DNAH2: variants seen among roughly 807,000 people sequenced by gnomAD.
DNAH2 encodes the protein dynein axonemal heavy chain 2.
DNAH2 carries 323 observed loss-of-function variants against 523.5 expected under a neutral mutation model. That is an observed-to-expected ratio of 0.62 (90% CI 0.56 to 0.68). DNAH2 has a LOEUF of 0.68. Among genes scored for constraint, DNAH2 ranks in the 30% least tolerant of loss-of-function variants. The probability of loss-of-function intolerance (pLI) is 0.00; values close to 1 mark genes in which losing one functional copy is unlikely to be tolerated. For missense variants in DNAH2, 4,907 were observed against 5,701.5 expected (o/e 0.86, Z 4.49); for synonymous variants, 2,093 against 2,177.4 (o/e 0.96, Z 1.08).
intron 23 of DNAH2, 50 bp downstream of exon 23, chr17:7,768,111 G>A (rs1194064576): frequency 3.7e-6 from 6 of 1,614,088 alleles, no homozygotes; most frequent in African/African-American, 1.3e-5. Context: ...GAGGATCTGG[G>A]TCTGTTCCCA....
chr17:7,787,766 G>C, intron 42 of DNAH2, 94 bp from the exon 43 acceptor site: 1 of 748,580 alleles, frequency 1.3e-6, no homozygotes, highest in Non-Finnish European at 2.1e-6. Flanking sequence ...CAAATCGTTT[G>C]TGAACTTGTA....
At chr17:7,788,277 A>G in intron 44 of DNAH2, 33 bp downstream of exon 44, 1 of 1,533,108 alleles carries the variant, frequency 6.5e-7, no homozygotes, top group Non-Finnish European at 8.8e-7. Context: ...GGGCAGGGGC[A>G]GGGGGTGCTC....
At chr17:7,728,783 G>A (rs976421613) in intron 4 of DNAH2, among the ~76,000 whole-genome samples, 4 of 152,090 alleles carry the variant, frequency 2.6e-5, no homozygotes, top group Non-Finnish European at 5.9e-5. Flanking sequence ...CTAGGAGTTC[G>A]AGACCAGCCT....
rs755085590 is a variant in DNAH2, at chr17:7,831,131, C to T, written c.12276C>T (p.Leu4092=). The T allele has an allele frequency of 1.9e-5, 31 of 1,613,956 alleles. No individual in the cohort carries two copies. The highest frequency in any genetic ancestry group is 5.3e-5 in the African/African-American group (4 of 74,918). The change falls in exon 80 of 86, where the codon CTC becomes CTT. Residue 4092 remains leucine, a synonymous_variant. Transcript: ENST00000572933. This position sits in a 1 kb window ranked among gnomAD's most constrained non-coding sequence, Gnocchi z 4.2. ...ETYFIPKDGS[L]ASYKEYISLL... Reference sequence around the variant, plus strand: ...ATTTCATCCCCAAGGATGGCAGCCTCGCTTCTTACAAGGAATACATCAGCT... The same window carrying T: ...ATTTCATCCCCAAGGATGGCAGCCTTGCTTCTTACAAGGAATACATCAGCT...
At position 7,740,840 on chromosome 17, in the gene DNAH2, G is replaced by C. The variant is rs2075292598; in HGVS notation, c.1537G>C (p.Val513Leu). The C allele has an allele frequency of 6.2e-7, 1 of 1,610,938 alleles. No individual in the cohort carries two copies. The highest frequency in any genetic ancestry group is 8.5e-7 in the Non-Finnish European group (1 of 1,177,386). ...CAAGCGGACTTATGACAAGAAGGCG[G>C]TGGATCTCTACATGCTGTTCAATAG... ...AIKRTYDKKA[V>L]DLYMLFNSEL... The change falls in exon 11 of 86, where the codon GTG becomes CTG. Residue 513 changes from valine (V) to leucine (L), a missense_variant. This residue lies in a region of DNAH2 where 2,806 missense variants were observed against 3,190.8 expected (regional missense o/e 0.88). Transcript: ENST00000572933.
intron 63 of DNAH2, among the ~76,000 whole-genome samples, chr17:7,809,130 A>C (rs2077443548): frequency 1.3e-5 from 2 of 152,136 alleles, no homozygotes; most frequent in South Asian, 4.1e-4. Flanking sequence ...ATAGAAATTT[A>C]AAATATTTAT....
chr17:7,746,832 C>T (rs1028511535), intron 12 of DNAH2, among the ~76,000 whole-genome samples: 1 of 151,762 alleles, frequency 6.6e-6, no homozygotes, highest in African/African-American at 2.4e-5. Context: ...ACTAAAAATA[C>T]AAAAATTAGC....
chr17:7,719,998 C>T (rs906351586), intron 2 of DNAH2, 98 bp downstream of exon 2: 3 of 1,383,560 alleles, frequency 2.2e-6, no homozygotes, highest in Non-Finnish European at 2.8e-6. Context: ...GGCGCTGTTG[C>T]TTCTGGGCAG....
At position 7,807,362 on chromosome 17, in the gene DNAH2, C is replaced by G. The variant is rs763446253; in HGVS notation, c.9612+43C>G. On this transcript the variant is annotated intron_variant, in intron 62 of 85. Coordinates refer to ENST00000572933, the MANE Select transcript of DNAH2 (RefSeq NM_020877.5). This position sits in a 1 kb window ranked among gnomAD's most constrained non-coding sequence, Gnocchi z 5.6. ...GGGGCGGGGCGGTAGGGAGGGCAGG[C>G]CTGGGGGAGTGCGGATGCACAGACC... The G allele has an allele frequency of 1.9e-6, 3 of 1,604,134 alleles. No homozygotes were observed. The highest frequency in any genetic ancestry group is 1.1e-5 in the South Asian group (1 of 90,460).
intron 8 of DNAH2, chr17:7,739,051 C>G: frequency 2.9e-6 from 2 of 698,930 alleles, no homozygotes; most frequent in Non-Finnish European, 5.2e-6. Context: ...AACAGCAGAC[C>G]CTCCAGAATC....
chr17:7,734,135 C>G, intron 5 of DNAH2, 48 bp from the exon 6 acceptor site: 1 of 1,513,018 alleles, frequency 6.6e-7, no homozygotes, highest in Non-Finnish European at 9.0e-7. Context: ...ACGGGGCCAG[C>G]AAGAACTCAT....
chr17:7,783,730 G>A (rs1348059460), intron 39 of DNAH2, among the ~76,000 whole-genome samples: 4 of 151,642 alleles, frequency 2.6e-5, no homozygotes, highest in South Asian at 2.1e-4. Flanking sequence ...CCCAGGAGGT[G>A]GAGATTGCAG....
intron 66 of DNAH2, 31 bp downstream of exon 66, chr17:7,817,740 C>G (rs200613804): frequency 6.2e-7 from 1 of 1,614,050 alleles, no homozygotes; most frequent in South Asian, 1.1e-5. Flanking sequence ...GGGGGCGGTA[C>G]GGGAGCATGG....
intron 31 of DNAH2, 90 bp downstream of exon 31, chr17:7,776,239 G>T: frequency 6.8e-7 from 1 of 1,460,614 alleles, no homozygotes; most frequent in Non-Finnish European, 9.2e-7. Context: ...GCCGAGGTGG[G>T]CAGATCACTT....
At chr17:7,817,761 C>T (rs2077718107) in intron 66 of DNAH2, 29 bp from the exon 67 acceptor site, 2 of 1,614,128 alleles carry the variant, frequency 1.2e-6, no homozygotes, top group Non-Finnish European at 1.7e-6. Context: ...GAGAGAGGGC[C>T]TCACCTCTGA....
At chr17:7,794,410 T>G in intron 49 of DNAH2, 52 bp downstream of exon 49, 1 of 1,518,312 alleles carries the variant, frequency 6.6e-7, no homozygotes, top group South Asian at 1.2e-5. Flanking sequence ...AGGTGAAACG[T>G]GTCTGTCTCA....
At chr17:7,787,322 G>T in intron 42 of DNAH2, 3 of 497,940 alleles carry the variant, frequency 6.0e-6, no homozygotes. Context: ...ACCCTCGTTT[G>T]TGCACCCAGA....
chr17:7,786,556 G>A lies in DNAH2; in HGVS notation c.6349-14G>A, dbSNP rs1402435396. ...TCCATCAGCAGCTAAAACCCCTTCCGGTGTCATTTTCAGGAGTTCCCTTTG... is the reference window on the plus strand; with the variant it reads ...TCCATCAGCAGCTAAAACCCCTTCCAGTGTCATTTTCAGGAGTTCCCTTTG... On this transcript the variant is annotated splice_polypyrimidine_tract_variant and intron_variant, in intron 40 of 85. Coordinates refer to ENST00000572933, the MANE Select transcript of DNAH2 (RefSeq NM_020877.5). The surrounding 1 kb of genome is among the most constrained non-coding windows in gnomAD (Gnocchi z 7.5). The A allele has an allele frequency of 3.7e-6, 6 of 1,609,762 alleles. No individual in the cohort carries two copies. Among genetic ancestry groups the A allele is most frequent in the South Asian group, 1.1e-5 (1 of 90,962 alleles).
At position 7,758,994 on chromosome 17, in the gene DNAH2, G is replaced by C; in HGVS notation, c.2318G>C (p.Arg773Thr). The C allele has an allele frequency of 6.2e-7, 1 of 1,614,194 alleles. No individual in the cohort carries two copies. The highest frequency in any genetic ancestry group is 8.5e-7 in the Non-Finnish European group (1 of 1,180,044). ...CGCATTAGTGGCAAACGGGTATACA[G>C]GGACCTGGAATTTGAAGAGGACCAA... is the stretch of plus-strand genomic sequence containing the variant. ...LVRISGKRVY[R>T]DLEFEEDQRE... Residue 773 changes from arginine to threonine, a missense_variant, in exon 15 of 86, where the codon AGG becomes ACG. Around this residue, in one of 3 missense-constraint regions of DNAH2, gnomAD observed 2,806 missense variants for 3,190.8 expected, o/e 0.88. Coordinates refer to ENST00000572933, the MANE Select transcript of DNAH2 (RefSeq NM_020877.5).
Sources: allele counts gnomAD v4.1 joint callset (sites outside exome capture counted in the v4.1 genomes callset), GRCh38; gene constraint gnomAD v4.1.1; regional missense constraint gnomAD v4.1.1; non-coding constraint Gnocchi (gnomAD v3.1); transcripts MANE v1.5; gene names NCBI Gene and HGNC (gene_info 2026-07-23, HGNC 2026-07-21).